SH3RF3: variants seen among roughly 807,000 people sequenced by gnomAD.
SH3RF3 encodes E3 ubiquitin-protein ligase SH3RF3.
SH3RF3 carries 29 observed loss-of-function variants against 66.3 expected under a neutral mutation model. The observed-to-expected ratio is 0.44, with a 90% CI of 0.33 to 0.60. The LOEUF (loss-of-function observed/expected upper bound fraction) is 0.60, where lower values mean the gene tolerates loss of function less well. Ranked by LOEUF, SH3RF3 falls within the 20% of genes least tolerant of loss-of-function variation. SH3RF3 has a pLI of 0.04. For missense variants in SH3RF3, 1,194 were observed against 1,190.9 expected (o/e 1.00, Z -0.04); for synonymous variants, 583 against 532.0 (o/e 1.10, Z -1.32).
rs1675660769 is a variant in SH3RF3 at position 109,381,305 on chromosome 2, C to T, written c.945+9624C>T. On this transcript the variant is annotated intron_variant, in intron 3 of 9. Transcript: ENST00000309415. ...GTCCAGACTGCTTCTCCCCTAGGCTCCAGCTGTTTTTCTGCTTCTCCTGTC... is the reference window on the plus strand; with the variant it reads ...GTCCAGACTGCTTCTCCCCTAGGCTTCAGCTGTTTTTCTGCTTCTCCTGTC... 2.0e-5 allele frequency among the ~76,000 whole-genome samples: 3 copies of T among 152,216 alleles called. No homozygotes were observed. The South Asian group carries it at 6.2e-4, about 32-fold the overall frequency.
intron 4 of SH3RF3, among the ~76,000 whole-genome samples, chr2:109,414,267 CT>C (rs1314531578): frequency 6.6e-6 from 1 of 152,202 alleles, no homozygotes; most frequent in East Asian, 1.9e-4. Flanking sequence ...AGAGTGACTG[CT>C]TTATAGCCTG....
rs1573302256 is a variant in SH3RF3 at position 109,501,829 on chromosome 2, G to A, written c.*158G>A. 1 of 595,496 alleles carries A rather than the reference G, an allele frequency of 1.7e-6. No homozygotes were observed. The highest frequency in any genetic ancestry group is 2.8e-5 in the East Asian group (1 of 36,296). The allele number at this position is 595,496 out of a possible 1,614,324, so 36.9% of individuals were successfully genotyped here. A position where few individuals can be genotyped will look rare whatever the true frequency, so the allele number is the denominator to read the frequency against. Reference sequence around the variant, plus strand: ...CCCAGGGTGGGGGCCAGGGACTGTGGAGGTCGTGCCTTCTCCCAAAACCCC... The same window carrying A: ...CCCAGGGTGGGGGCCAGGGACTGTGAAGGTCGTGCCTTCTCCCAAAACCCC... On this transcript the variant is annotated 3_prime_UTR_variant, in exon 10 of 10. Coordinates refer to ENST00000309415, the MANE Select transcript of SH3RF3 (RefSeq NM_001099289.3).
In SH3RF3 at chr2:109,460,426, G is replaced by A. The variant is rs879188644; in HGVS notation, c.2148+10937G>A. 4.6e-5 allele frequency among the ~76,000 whole-genome samples: 7 copies of A among 152,310 alleles called. No homozygotes were observed. The South Asian group carries it at 1.4e-3, about 32-fold the overall frequency. ...TGCTGCTGGTGGATTGGACACAGTG[G>A]TAGTCGTAGCCAGGTTGGCCATGGT... On this transcript the variant is annotated intron_variant, in intron 8 of 9. Coordinates refer to ENST00000309415, the MANE Select transcript of SH3RF3 (RefSeq NM_001099289.3).
chr2:109,494,804 G>A (rs1206496186), intron 9 of SH3RF3, among the ~76,000 whole-genome samples: 1 of 152,144 alleles, frequency 6.6e-6, no homozygotes, highest in African/African-American at 2.4e-5. Context: ...CCTTTCCTGT[G>A]CCCAGACTCC....
intron 1 of SH3RF3, among the ~76,000 whole-genome samples, chr2:109,314,464 C>G (rs908128804): frequency 3.3e-5 from 5 of 152,140 alleles, no homozygotes; most frequent in African/African-American, 1.2e-4. Context: ...CTGGGGAAAG[C>G]AGGTCAGCCT....
chr2:109,386,576 C>T (rs1675830550), intron 3 of SH3RF3, among the ~76,000 whole-genome samples: 1 of 152,176 alleles, frequency 6.6e-6, no homozygotes, highest in South Asian at 2.1e-4. Flanking sequence ...AGTCCTCTAC[C>T]CACCTCTCTG....
chr2:109,302,505 T>G (rs574207499), intron 1 of SH3RF3, among the ~76,000 whole-genome samples: 1 of 152,366 alleles, frequency 6.6e-6, no homozygotes, highest in East Asian at 1.9e-4. Flanking sequence ...GGGCTCTGCC[T>G]GCACCGAAGA....
At chr2:109,189,360 C>T (rs985926347) in intron 1 of SH3RF3, among the ~76,000 whole-genome samples, 4 of 134,204 alleles carry the variant, frequency 3.0e-5, no homozygotes, top group African/African-American at 8.1e-5. Flanking sequence ...CGTGTTCAGT[C>T]GTTTGACTTT....
intron 3 of SH3RF3, among the ~76,000 whole-genome samples, chr2:109,398,283 C>T (rs534352052): frequency 1.8e-4 from 27 of 152,290 alleles, no homozygotes; most frequent in African/African-American, 6.0e-4. Context: ...AAGGCGGCAC[C>T]GTGCATCCCA....
chr2:109,280,521 A>G (rs1363640742), intron 1 of SH3RF3, among the ~76,000 whole-genome samples: 1 of 152,166 alleles, frequency 6.6e-6, no homozygotes, highest in Non-Finnish European at 1.5e-5. Context: ...CACTGGGGCC[A>G]TGGTCCAATA....
intron 1 of SH3RF3, among the ~76,000 whole-genome samples, chr2:109,147,141 G>C (rs1677119097): frequency 6.6e-6 from 1 of 151,986 alleles, no homozygotes; most frequent in Non-Finnish European, 1.5e-5. Context: ...GTTTCTTTTT[G>C]TCCAAAAGAC....
intron 4 of SH3RF3, among the ~76,000 whole-genome samples, chr2:109,408,555 G>A (rs537667301): frequency 2.6e-5 from 4 of 152,310 alleles, no homozygotes; most frequent in South Asian, 4.1e-4. Context: ...TCAGGACCTC[G>A]TCCTCCCATT....
intron 9 of SH3RF3, among the ~76,000 whole-genome samples, chr2:109,493,429 G>T (rs1488985131): frequency 2.7e-5 from 4 of 146,926 alleles, no homozygotes; most frequent in Admixed American, 6.8e-5. Context: ...TGCAAACACA[G>T]ACTACACACA....
At chr2:109,353,518 C>G (rs898148413) in intron 2 of SH3RF3, among the ~76,000 whole-genome samples, 4 of 152,168 alleles carry the variant, frequency 2.6e-5, no homozygotes, top group African/African-American at 7.2e-5. Context: ...CAACATAGGG[C>G]AGCAAGGGGC....
chr2:109,172,568 TG>T (rs1185652867), intron 1 of SH3RF3, among the ~76,000 whole-genome samples: 1 of 152,176 alleles, frequency 6.6e-6, no homozygotes, highest in African/African-American at 2.4e-5. Context: ...CCAAACAGTG[TG>T]GATTATTGGG....
intron 1 of SH3RF3, among the ~76,000 whole-genome samples, chr2:109,144,119 A>G (rs141096044): frequency 1.2e-4 from 18 of 152,368 alleles, no homozygotes; most frequent in Admixed American, 2.6e-4. Context: ...CTGGAGTTCT[A>G]CTGTGCAGCA....
intron 8 of SH3RF3, among the ~76,000 whole-genome samples, chr2:109,457,879 A>G (rs565048044): frequency 6.6e-6 from 1 of 152,310 alleles, no homozygotes; most frequent in South Asian, 2.1e-4. Context: ...TGTCCCTCCC[A>G]GAAGGCAACA....
chr2:109,383,399 G>A (rs1187271132), intron 3 of SH3RF3, among the ~76,000 whole-genome samples: 3 of 152,208 alleles, frequency 2.0e-5, no homozygotes, highest in African/African-American at 7.2e-5. Flanking sequence ...TGCTGTTGCT[G>A]CCTCACCCTT....
intron 7 of SH3RF3, among the ~76,000 whole-genome samples, chr2:109,441,217 G>A (rs1312509966): frequency 6.6e-6 from 1 of 150,964 alleles, no homozygotes; most frequent in African/African-American, 2.4e-5. Context: ...ATGCAAAGGA[G>A]CAGGAAAATA....
Sources: gnomAD v4.1 joint callset for allele counts (sites outside exome capture counted in the v4.1 genomes callset) on GRCh38, gnomAD v4.1.1 for gene constraint, MANE v1.5 for transcripts, NCBI Gene and HGNC (gene_info 2026-07-23, HGNC 2026-07-21) for gene names.